The following THSD7A variants were observed in gnomAD, a reference collection of about 807,000 sequenced individuals.
The protein encoded by THSD7A is thrombospondin type-1 domain-containing protein 7A.
THSD7A carries 96 observed loss-of-function variants against 231.3 expected under a neutral mutation model. That is an observed-to-expected ratio of 0.41 (90% CI 0.35 to 0.49). The LOEUF (loss-of-function observed/expected upper bound fraction) is 0.49, where lower values mean the gene tolerates loss of function less well. THSD7A is among the 20% of genes least tolerant of loss of function. The probability of loss-of-function intolerance (pLI) is 0.05; values close to 1 mark genes in which losing one functional copy is unlikely to be tolerated. For synonymous variants in THSD7A, 940 were observed against 743.3 expected (o/e 1.26, Z -4.30); for missense variants, 2,290 against 2,070.2 (o/e 1.11, Z -2.06).
chr7:11,799,106 A>G (rs760583608), intron 1 of THSD7A, among the ~76,000 whole-genome samples: 2 of 152,032 alleles, frequency 1.3e-5, no homozygotes, highest in African/African-American at 4.8e-5. Flanking sequence ...TATTTTTGGT[A>G]GAGATGGGGT....
intron 2 of THSD7A, among the ~76,000 whole-genome samples, chr7:11,606,058 A>C (rs1780722970): frequency 6.6e-6 from 1 of 152,126 alleles, no homozygotes; most frequent in Non-Finnish European, 1.5e-5. Flanking sequence ...TGCTAGTCAA[A>C]ATGTGATCCA....
chr7:11,821,029 G>T, intron 1 of THSD7A: 1 of 982,706 alleles, frequency 1.0e-6, no homozygotes, highest in Non-Finnish European at 1.6e-6. Context: ...GGTTTTCTGG[G>T]ACTTTTCATT....
intron 1 of THSD7A, among the ~76,000 whole-genome samples, chr7:11,704,756 A>T (rs1562489836): frequency 6.6e-6 from 1 of 151,174 alleles, no homozygotes; most frequent in South Asian, 2.1e-4. Context: ...CTTACAGTCT[A>T]TTTATGGATT....
intron 11 of THSD7A, among the ~76,000 whole-genome samples, chr7:11,453,446 TC>T (rs1487833669): frequency 1.3e-5 from 2 of 151,944 alleles, no homozygotes; most frequent in African/African-American, 4.8e-5. Flanking sequence ...GAAGTATTTT[TC>T]TTTTTTGTGG....
At chr7:11,564,248 A>T (rs1174933706) in intron 4 of THSD7A, among the ~76,000 whole-genome samples, 1 of 152,118 alleles carries the variant, frequency 6.6e-6, no homozygotes, top group Non-Finnish European at 1.5e-5. Flanking sequence ...TTAACTTCCC[A>T]ATTATGGGTG....
chr7:11,765,514 C>T (rs2355081), intron 1 of THSD7A, among the ~76,000 whole-genome samples: 1 of 152,038 alleles, frequency 6.6e-6, no homozygotes, highest in Non-Finnish European at 1.5e-5. Flanking sequence ...TAGACTAGTT[C>T]AAATAAATAT....
At chr7:11,410,105 T>C (rs376180754) in intron 19 of THSD7A, among the ~76,000 whole-genome samples, 13 of 152,266 alleles carry the variant, frequency 8.5e-5, no homozygotes, top group African/African-American at 2.6e-4. Flanking sequence ...GAAACTAAAA[T>C]GATTCAAGTG....
intron 1 of THSD7A, among the ~76,000 whole-genome samples, chr7:11,807,402 G>A (rs549561046): frequency 1.3e-5 from 2 of 152,074 alleles, no homozygotes; most frequent in Non-Finnish European, 2.9e-5. Flanking sequence ...CTACTTATTT[G>A]GGGTATTAAG....
intron 4 of THSD7A, among the ~76,000 whole-genome samples, chr7:11,565,001 T>C (rs1466116171): frequency 6.6e-6 from 1 of 152,196 alleles, no homozygotes; most frequent in African/African-American, 2.4e-5. Context: ...ACTATGGGGA[T>C]GTACCATCTG....
At chr7:11,686,525 C>T (rs1035054660) in intron 1 of THSD7A, among the ~76,000 whole-genome samples, 5 of 151,770 alleles carry the variant, frequency 3.3e-5, no homozygotes, top group Admixed American at 1.3e-4. Context: ...CTTTAAGACA[C>T]GTGCACTTGC....
At position 11,411,463 on chromosome 7, in the gene THSD7A, T is replaced by C. The variant is rs921372339; in HGVS notation, c.3683-141A>G. 1.6e-6 allele frequency: 1 copy of C among 623,138 alleles called. No individual in the cohort carries two copies. The highest frequency in any genetic ancestry group is 1.8e-5 in the African/African-American group (1 of 54,228). 38.6% of individuals were successfully genotyped at this position (623,138 alleles called of 1,614,324 possible). On this transcript the variant is annotated intron_variant, in intron 18 of 27. Coordinates refer to ENST00000423059, the MANE Select transcript of THSD7A (RefSeq NM_015204.3). This position sits in a 1 kb window ranked among gnomAD's most constrained non-coding sequence, Gnocchi z 4.1. Reference sequence around the variant, plus strand: ...TCAATCATCCCCCATGCAGAGCATATGGGTCCCAGCTTTGAACGTATCAGG... The same window carrying C: ...TCAATCATCCCCCATGCAGAGCATACGGGTCCCAGCTTTGAACGTATCAGG...
At chr7:11,733,546 T>C (rs897859442) in intron 1 of THSD7A, among the ~76,000 whole-genome samples, 4 of 151,858 alleles carry the variant, frequency 2.6e-5, no homozygotes, top group African/African-American at 9.7e-5. Context: ...GCAATGGGAT[T>C]GATCTGGCTG....
intron 4 of THSD7A, among the ~76,000 whole-genome samples, chr7:11,563,356 GTTTAT>G (rs1286430581): frequency 6.6e-6 from 1 of 151,876 alleles, no homozygotes; most frequent in African/African-American, 2.4e-5. Context: ...TCATTATTAA[GTTTAT>G]TTTATTTTTT....
chr7:11,406,875 T>C lies in THSD7A; in HGVS notation c.4062+35A>G, dbSNP rs1275434920. 6.2e-6 allele frequency: 10 copies of C among 1,611,850 alleles called. No individual in the cohort carries two copies. The highest frequency in any genetic ancestry group is 6.8e-6 in the Non-Finnish European group (8 of 1,178,656). On this transcript the variant is annotated intron_variant, in intron 21 of 27. Transcript: ENST00000423059. This position sits in a 1 kb window ranked among gnomAD's most constrained non-coding sequence, Gnocchi z 4.7. ...GCAGATGAAGTCTCTGCAGATAGAG[T>C]ACACACTTCCTGACAACTTCTTGAG...
At chr7:11,646,911 A>G (rs1311570867) in intron 1 of THSD7A, among the ~76,000 whole-genome samples, 1 of 152,098 alleles carries the variant, frequency 6.6e-6, no homozygotes, top group Non-Finnish European at 1.5e-5. Flanking sequence ...AGAAGGAGAA[A>G]TCAAGGGAAA....
At chr7:11,424,314 A>G (rs1282960137) in intron 16 of THSD7A, among the ~76,000 whole-genome samples, 1 of 152,238 alleles carries the variant, frequency 6.6e-6, no homozygotes, top group Non-Finnish European at 1.5e-5. Context: ...GGACAACAGG[A>G]TAGTATTCAG....
chr7:11,756,120 G>A (rs986178375), intron 1 of THSD7A, among the ~76,000 whole-genome samples: 18 of 151,986 alleles, frequency 1.2e-4, no homozygotes, highest in African/African-American at 3.9e-4. Flanking sequence ...GAATGTACCA[G>A]GTTATTCATC....
chr7:11,810,660 T>G (rs1033114227), intron 1 of THSD7A, among the ~76,000 whole-genome samples: 1 of 152,164 alleles, frequency 6.6e-6, no homozygotes, highest in Non-Finnish European at 1.5e-5. Context: ...ACCTCAGATT[T>G]AACTTTCCAT....
intron 1 of THSD7A, among the ~76,000 whole-genome samples, chr7:11,749,364 T>C (rs571347346): frequency 8.6e-5 from 13 of 151,994 alleles, no homozygotes; most frequent in African/African-American, 3.1e-4. Context: ...CCTTAATTCT[T>C]AGAGCATGTT....
Sources: allele counts gnomAD v4.1 joint callset (sites outside exome capture counted in the v4.1 genomes callset), GRCh38; gene constraint gnomAD v4.1.1; non-coding constraint Gnocchi (gnomAD v3.1); transcripts MANE v1.5; gene names NCBI Gene and HGNC (gene_info 2026-07-23, HGNC 2026-07-21).